Variants in PCDHGA5 observed in about 807,000 individuals in gnomAD.
PCDHGA5 encodes the protein protocadherin gamma subfamily A, 5.
Under a neutral mutation model 56.7 loss-of-function variants are expected in PCDHGA5, and 36 were observed. The observed-to-expected ratio is 0.64, with a 90% CI of 0.49 to 0.84. The LOEUF is 0.84. Among genes scored for constraint, PCDHGA5 ranks in the 40% least tolerant of loss-of-function variants. The pLI is 0.00. For missense variants in PCDHGA5, 1,305 were observed against 1,201.5 expected (o/e 1.09, Z -1.27); for synonymous variants, 563 against 520.2 (o/e 1.08, Z -1.12).
At position 141,382,695 on chromosome 5, in the gene PCDHGA5, G is replaced by A. The variant is rs76993444; in HGVS notation, c.2421+15944G>A. ...TTCACCAACCAGGGAAAAATGGTGCGAGAGATCCCACAGAAACCACCGAGT... is the reference window on the plus strand; with the variant it reads ...TTCACCAACCAGGGAAAAATGGTGCAAGAGATCCCACAGAAACCACCGAGT... On this transcript the variant is annotated intron_variant, in intron 1 of 3. Coordinates refer to ENST00000518069, the MANE Select transcript of PCDHGA5 (RefSeq NM_018918.3). 1.1e-3 allele frequency: 486 copies of A among 451,892 alleles called. 2 individuals carry two copies. The highest frequency in any genetic ancestry group is 9.0e-3 in the African/African-American group (451 of 50,190). The allele number at this position is 451,892 out of a possible 1,614,324, so 28.0% of individuals were successfully genotyped here.
chr5:141,375,151 T>G, intron 1 of PCDHGA5: 2 of 1,613,962 alleles, frequency 1.2e-6, no homozygotes, highest in Non-Finnish European at 1.7e-6. Context: ...GCAGAACAAT[T>G]GCTGAAAGTG....
rs2099426122 is a variant in PCDHGA5 at position 141,477,960 on chromosome 5, A to C, written c.2422-16847A>C. On this transcript the variant is annotated intron_variant, in intron 1 of 3. Coordinates refer to ENST00000518069, the MANE Select transcript of PCDHGA5 (RefSeq NM_018918.3). This position sits in a 1 kb window ranked among gnomAD's most constrained non-coding sequence, Gnocchi z 4.9. ...TCCTACAGTCTCTTGGGATCCCCTAACCAGAGCCTTTTTGCCATAGGGCTG... is the reference window on the plus strand; with the variant it reads ...TCCTACAGTCTCTTGGGATCCCCTACCCAGAGCCTTTTTGCCATAGGGCTG... 1 of 1,613,952 alleles carries C rather than the reference A, an allele frequency of 6.2e-7. No individual in the cohort carries two copies. Among genetic ancestry groups the C allele is most frequent in the African/African-American group, 1.3e-5 (1 of 74,922 alleles).
intron 1 of PCDHGA5, among the ~76,000 whole-genome samples, chr5:141,447,535 G>T (rs1366016262): frequency 3.3e-5 from 5 of 152,162 alleles, no homozygotes; most frequent in Admixed American, 6.5e-5. Flanking sequence ...AAATTGTTGG[G>T]TTTTAATGTT....
At chr5:141,407,175 C>T (rs752092856) in intron 1 of PCDHGA5, among the ~76,000 whole-genome samples, 39 of 152,166 alleles carry the variant, frequency 2.6e-4, no homozygotes, top group Non-Finnish European at 5.4e-4. Flanking sequence ...TTATGACATA[C>T]AGACATTTTA....
intron 2 of PCDHGA5, among the ~76,000 whole-genome samples, chr5:141,502,564 C>T (rs2099815067): frequency 1.3e-5 from 2 of 151,774 alleles, no homozygotes; most frequent in East Asian, 1.9e-4. Context: ...CCAGATCTCT[C>T]CATTATAAAA....
Position 141,366,033 on chromosome 5 carries a change from C to G in PCDHGA5, c.1703C>G (p.Pro568Arg), listed in dbSNP as rs1310722008. 2 of 1,614,254 alleles carry G rather than the reference C, an allele frequency of 1.2e-6. No homozygotes were observed. The highest frequency in any genetic ancestry group is 2.2e-5 in the South Asian group (2 of 91,082). Residue 568 changes from proline (P) to arginine (R), a missense_variant, in exon 1 of 4, where the codon CCC becomes CGC. By Grantham distance (103) the Pro-to-Arg change is moderately radical. Coordinates refer to ENST00000518069, the MANE Select transcript of PCDHGA5 (RefSeq NM_018918.3). ...NTPEILYPAL[P>R]TDGSTGVELA... ...CCTGAGATCCTGTACCCCGCCCTCC[C>G]CACAGACGGTTCCACGGGCGTGGAG...
chr5:141,380,839 A>G (rs377236135), intron 1 of PCDHGA5, among the ~76,000 whole-genome samples: 1 of 152,258 alleles, frequency 6.6e-6, no homozygotes, highest in Non-Finnish European at 1.5e-5. Context: ...CATCAGGTAA[A>G]AATGGATCAA....
chr5:141,364,948 T>C lies in PCDHGA5; in HGVS notation c.618T>C (p.Thr206=). The change falls in exon 1 of 4, where the codon ACT becomes ACC. Residue 206 remains threonine (T), a synonymous_variant. Transcript: ENST00000518069. ...LEQPLDREKE[T]VHDLLLTALD... The stretch of plus-strand genomic sequence containing the variant: ...AGCCCCTAGACCGCGAGAAAGAGAC[T>C]GTTCACGACCTCCTCCTCACAGCTT... The C allele has an allele frequency of 6.2e-7, 1 of 1,613,922 alleles. No homozygotes were observed. Among genetic ancestry groups the C allele is most frequent in the Admixed American group, 1.7e-5 (1 of 60,020 alleles).
At position 141,364,828 on chromosome 5, in the gene PCDHGA5, T is replaced by C. The variant is rs57308563; in HGVS notation, c.498T>C (p.Ser166=). Residue 166 remains serine, a synonymous_variant, in exon 1 of 4, where the codon TCT becomes TCC. Transcript: ENST00000518069. ...GGGATGCGGATGTGGGTGTGAACTC[T>C]CTCCGGAGTTACCAGCTCAGCTCCA... ...FARDADVGVN[S]LRSYQLSSNL... The C allele has an allele frequency of 0.095, 152,960 of 1,613,868 alleles. 8,950 individuals are homozygous for C. Among genetic ancestry groups the C allele is most frequent in the African/African-American group, 0.29 (21,455 of 74,974 alleles).
chr5:141,365,161 G>A lies in PCDHGA5; in HGVS notation c.831G>A (p.Leu277=), dbSNP rs1472001277. Residue 277 remains leucine (L), a synonymous_variant, in exon 1 of 4, where the codon TTG becomes TTA. Transcript: ENST00000518069. ...CAGATGAGGGAATAAACGGGAAATTGACCTACTCTTTTCGCAATGAAGAAG... is the reference window on the plus strand; with the variant it reads ...CAGATGAGGGAATAAACGGGAAATTAACCTACTCTTTTCGCAATGAAGAAG... ...TDPDEGINGK[L]TYSFRNEEEK... is the part of the protein sequence containing the mutation. 5.0e-6 allele frequency: 8 copies of A among 1,613,810 alleles called. No homozygotes were observed. In the African/African-American group the frequency reaches 8.0e-5, roughly 16 times the overall value.
chr5:141,421,433 C>A lies in PCDHGA5; in HGVS notation c.2421+54682C>A, dbSNP rs772564300. 5 of 1,614,074 alleles carry A rather than the reference C, an allele frequency of 3.1e-6. No homozygotes were observed. In the African/African-American group the frequency reaches 4.0e-5, roughly 13 times the overall value. On this transcript the variant is annotated intron_variant, in intron 1 of 3. Coordinates refer to ENST00000518069, the MANE Select transcript of PCDHGA5 (RefSeq NM_018918.3). ...GCGAAGCGCGGAGTCCGCATCGTCTCCAGAGGGAAGACACAGCTTTTCGCT... is the reference window on the plus strand; with the variant it reads ...GCGAAGCGCGGAGTCCGCATCGTCTACAGAGGGAAGACACAGCTTTTCGCT...
chr5:141,369,529 T>C (rs1766316708), intron 1 of PCDHGA5, among the ~76,000 whole-genome samples: 1 of 152,170 alleles, frequency 6.6e-6, no homozygotes, highest in South Asian at 2.1e-4. Flanking sequence ...TCAATCATAC[T>C]TATTTAATTA....
At chr5:141,497,500 T>G (rs1468175808) in intron 2 of PCDHGA5, among the ~76,000 whole-genome samples, 2 of 151,562 alleles carry the variant, frequency 1.3e-5, no homozygotes, top group Non-Finnish European at 2.9e-5. Context: ...CTCTCTCCTC[T>G]CTCTGCTTCC....
intron 1 of PCDHGA5, chr5:141,409,356 A>G: frequency 6.2e-7 from 1 of 1,614,004 alleles, no homozygotes; most frequent in Non-Finnish European, 8.5e-7. Context: ...GTCAGGTGTA[A>G]TATAGAAACA....
chr5:141,422,626 C>A, intron 1 of PCDHGA5: 2 of 1,613,334 alleles, frequency 1.2e-6, no homozygotes, highest in Non-Finnish European at 1.7e-6. Flanking sequence ...CGAAAACAAC[C>A]CCAGGGGTGC....
chr5:141,408,921 C>T (rs1228341286), intron 1 of PCDHGA5: 2 of 1,613,462 alleles, frequency 1.2e-6, no homozygotes, highest in African/African-American at 1.3e-5. Flanking sequence ...GATAACCCCC[C>T]GGTTTTCAGC....
At chr5:141,434,609 G>A (rs189866750) in intron 1 of PCDHGA5, among the ~76,000 whole-genome samples, 11 of 152,064 alleles carry the variant, frequency 7.2e-5, no homozygotes, top group Non-Finnish European at 1.3e-4. Context: ...CTTTATTTCC[G>A]CCCATCTCTT....
chr5:141,419,514 T>C (rs1180212485), intron 1 of PCDHGA5: 1 of 1,612,266 alleles, frequency 6.2e-7, no homozygotes, highest in Admixed American at 1.7e-5. Context: ...CGCGTGTTGG[T>C]GGGCGACCGT....
At chr5:141,437,863 G>A (rs2097915247) in intron 1 of PCDHGA5, among the ~76,000 whole-genome samples, 2 of 151,480 alleles carry the variant, frequency 1.3e-5, no homozygotes, top group African/African-American at 2.4e-5. Context: ...TTAGCCTCCC[G>A]AGTAGCTGGG....
Sources: gnomAD v4.1 joint callset for allele counts (sites outside exome capture counted in the v4.1 genomes callset) on GRCh38, gnomAD v4.1.1 for gene constraint, Gnocchi (gnomAD v3.1) non-coding constraint, MANE v1.5 for transcripts, NCBI Gene and HGNC (gene_info 2026-07-23, HGNC 2026-07-21) for gene names.